Variants in PCDH15 observed in about 807,000 individuals in gnomAD.
PCDH15 encodes protocadherin-15.
Under a neutral mutation model 178.5 loss-of-function variants are expected in PCDH15, and 129 were observed. The ratio of observed to expected loss-of-function variants is 0.72; its 90% CI spans 0.63 to 0.84. The LOEUF (loss-of-function observed/expected upper bound fraction) is 0.84. Among genes scored for constraint, PCDH15 ranks in the 40% least tolerant of loss-of-function variants. The pLI is 0.00. For synonymous variants in PCDH15, 800 were observed against 732.0 expected (o/e 1.09, Z -1.50); for missense variants, 2,230 against 2,099.9 (o/e 1.06, Z -1.21).
At chr10:53,900,614 A>G (rs2082272432) in intron 26 of PCDH15, among the ~76,000 whole-genome samples, 1 of 151,974 alleles carries the variant, frequency 6.6e-6, no homozygotes, top group African/African-American at 2.4e-5. Flanking sequence ...AAATCCCCTA[A>G]ATGTTCAACT....
At chr10:54,055,627 C>A (rs970552457) in intron 18 of PCDH15, among the ~76,000 whole-genome samples, 1 of 152,122 alleles carries the variant, frequency 6.6e-6, no homozygotes, top group South Asian at 2.1e-4. Flanking sequence ...AGGCCAGACA[C>A]CTCTGATATT....
At chr10:55,333,131 G>A (rs555387272) in intron 2 of PCDH15, among the ~76,000 whole-genome samples, 1 of 152,202 alleles carries the variant, frequency 6.6e-6, no homozygotes, top group African/African-American at 2.4e-5. Flanking sequence ...TATAAATTAT[G>A]CTCAAACAAA....
rs1841179060 is a variant in PCDH15 at position 53,806,606 on chromosome 10, G to A, written c.5196C>T (p.Asn1732=). The A allele has an allele frequency of 1.9e-6, 3 of 1,613,404 alleles. No individual in the cohort carries two copies. Among genetic ancestry groups the A allele is most frequent in the Non-Finnish European group, 2.5e-6 (3 of 1,179,576 alleles). The change falls in exon 38 of 38, where the codon AAC becomes AAT. Residue 1732 remains asparagine, a synonymous_variant. Coordinates refer to ENST00000644397, the MANE Select transcript of PCDH15 (RefSeq NM_001384140.1). ...DEELWMGPWN[N]LHIPMTKL ...ACAGTTTTGTCATTGGTATATGGAGGTTGTTCCAGGGGCCCATCCAAAGCT... is the reference window on the plus strand; with the variant it reads ...ACAGTTTTGTCATTGGTATATGGAGATTGTTCCAGGGGCCCATCCAAAGCT...
intron 20 of PCDH15, among the ~76,000 whole-genome samples, chr10:54,002,719 C>T (rs1439230787): frequency 2.0e-5 from 3 of 152,078 alleles, no homozygotes; most frequent in Non-Finnish European, 4.4e-5. Flanking sequence ...GATTTGGGGA[C>T]TTTCACAAAA....
chr10:55,482,840 G>A (rs550834516), intron 2 of PCDH15, among the ~76,000 whole-genome samples: 31 of 151,712 alleles, frequency 2.0e-4, no homozygotes, highest in Middle Eastern at 3.4e-3. Context: ...GGTTCTCTGC[G>A]TTTTCTGAAT....
chr10:55,526,034 C>G (rs1472125294), intron 2 of PCDH15, among the ~76,000 whole-genome samples: 7 of 151,862 alleles, frequency 4.6e-5, no homozygotes, highest in Non-Finnish European at 1.0e-4. Context: ...GTATAGTTAA[C>G]CTAATTTCAT....
intron 25 of PCDH15, among the ~76,000 whole-genome samples, chr10:53,925,194 C>A (rs763933707): frequency 1.2e-4 from 19 of 152,118 alleles, no homozygotes; most frequent in Non-Finnish European, 1.9e-4. Context: ...TCCACGCTGC[C>A]TTTATGAACT....
intron 2 of PCDH15, among the ~76,000 whole-genome samples, chr10:54,989,412 C>T (rs1839448977): frequency 6.6e-6 from 1 of 152,170 alleles, no homozygotes. Flanking sequence ...CACTAAATGC[C>T]AGGACATGAA....
intron 21 of PCDH15, among the ~76,000 whole-genome samples, chr10:53,970,741 A>T (rs1044899133): frequency 1.1e-4 from 16 of 152,100 alleles, no homozygotes; most frequent in African/African-American, 3.9e-4. Context: ...TAAACTAGGA[A>T]GAAGTTGAAT....
chr10:54,850,879 A>G (rs1953607222), intron 3 of PCDH15, among the ~76,000 whole-genome samples: 2 of 152,154 alleles, frequency 1.3e-5, no homozygotes, highest in Admixed American at 1.3e-4. Context: ...CAGATGAAAC[A>G]CTAAAATGTT....
At chr10:54,202,202 T>A (rs775302790) in intron 10 of PCDH15, among the ~76,000 whole-genome samples, 4 of 152,148 alleles carry the variant, frequency 2.6e-5, no homozygotes, top group Non-Finnish European at 5.9e-5. Context: ...TCCAGTCCAC[T>A]CAACACATTT....
rs1247006513 is a variant in PCDH15, at chr10:55,582,616, A to AT, written c.-156+45008dup. ...TATGTGTATATATATATATATATAT[A>AT]TATATATATATATTTTTTTTTTTTT... On this transcript the variant is annotated intron_variant, in intron 2 of 5. Coordinates refer to the PCDH15 transcript ENST00000613346. Among the ~76,000 whole-genome samples the AT allele has an allele frequency of 1.7e-3, 148 of 88,906 alleles. 4 individuals carry two copies. Among genetic ancestry groups the AT allele is most frequent in the African/African-American group, 6.3e-3 (108 of 17,114 alleles). The allele number at this position is 88,906 out of a possible 152,430, so 58.3% of individuals were successfully genotyped here.
chr10:54,943,140 G>A (rs1838105042), intron 2 of PCDH15, among the ~76,000 whole-genome samples: 1 of 151,912 alleles, frequency 6.6e-6, no homozygotes, highest in South Asian at 2.1e-4. Flanking sequence ...GTCAAACACT[G>A]ATCTCCTTGG....
At chr10:54,720,441 G>A (rs553297477) in intron 1 of PCDH15, among the ~76,000 whole-genome samples, 7 of 150,944 alleles carry the variant, frequency 4.6e-5, no homozygotes, top group Non-Finnish European at 7.4e-5. Context: ...AAAGAAAATC[G>A]CATCAAACTA....
intron 3 of PCDH15, among the ~76,000 whole-genome samples, chr10:54,835,966 C>T (rs945747062): frequency 4.0e-5 from 6 of 151,852 alleles, no homozygotes; most frequent in South Asian, 2.1e-4. Flanking sequence ...AAGATACCAG[C>T]GATAGCACAA....
intron 3 of PCDH15, among the ~76,000 whole-genome samples, chr10:54,845,513 A>G (rs1953493239): frequency 6.6e-6 from 1 of 152,120 alleles, no homozygotes; most frequent in South Asian, 2.1e-4. Context: ...TAGTTAATTT[A>G]CTGAAGGATG....
intron 4 of PCDH15, 134 bp from the exon 5 acceptor site, chr10:54,369,409 G>T (rs920687372): frequency 2.3e-6 from 2 of 851,326 alleles, no homozygotes; most frequent in East Asian, 2.7e-5. Flanking sequence ...CAAAGAAAAT[G>T]ATCATTTTAA....
chr10:55,133,569 C>T (rs1371553303), intron 2 of PCDH15, among the ~76,000 whole-genome samples: 2 of 152,098 alleles, frequency 1.3e-5, no homozygotes, highest in African/African-American at 4.8e-5. Context: ...CTAGCCCTGA[C>T]CTCTTTCCTG....
chr10:55,172,552 T>A (rs753819874), intron 1 of PCDH15, among the ~76,000 whole-genome samples: 61 of 152,058 alleles, frequency 4.0e-4, no homozygotes, highest in Non-Finnish European at 7.1e-4. Flanking sequence ...TAAATCATTA[T>A]AACACCATTT....
Sources: allele counts gnomAD v4.1 joint callset (sites outside exome capture counted in the v4.1 genomes callset), GRCh38; gene constraint gnomAD v4.1.1; transcripts MANE v1.5; gene names NCBI Gene and HGNC (gene_info 2026-07-23, HGNC 2026-07-21).